Variants in VTI1A observed in about 807,000 individuals in gnomAD.
The protein encoded by VTI1A is vesicle transport through interaction with t-SNAREs homolog 1A.
A neutral mutation model predicts 34.9 loss-of-function variants in VTI1A; 22 were observed. The ratio of observed to expected loss-of-function variants is 0.63; its 90% CI spans 0.45 to 0.90. VTI1A has a LOEUF of 0.90. Ranked by LOEUF, VTI1A falls within the 40% of genes least tolerant of loss-of-function variation. The pLI, the probability that VTI1A is intolerant of heterozygous loss-of-function variation, is 0.00. For synonymous variants in VTI1A, 87 were observed against 97.3 expected (o/e 0.89, Z 0.62); for missense variants, 268 against 275.6 (o/e 0.97, Z 0.20).
Position 112,647,661 on chromosome 10 carries a change from C to G in VTI1A, c.428-20557C>G, listed in dbSNP as rs1005029708. Among the ~76,000 whole-genome samples, 3 of 151,966 alleles carry G rather than the reference C, an allele frequency of 2.0e-5. 1 individual carries two copies. Among genetic ancestry groups the G allele is most frequent in the Non-Finnish European group, 4.4e-5 (3 of 67,992 alleles). On this transcript the variant is annotated intron_variant, in intron 5 of 7. Coordinates refer to ENST00000393077, the MANE Select transcript of VTI1A (RefSeq NM_145206.4). Reference sequence around the variant, plus strand: ...TGTCAAGACTAAAAGTATGTTTTTCCGTAGTTTATGTATAGATTTGTTTAT... The same window carrying G: ...TGTCAAGACTAAAAGTATGTTTTTCGGTAGTTTATGTATAGATTTGTTTAT...
At chr10:112,814,181 C>T (rs960018989) in intron 7 of VTI1A, among the ~76,000 whole-genome samples, 4 of 152,088 alleles carry the variant, frequency 2.6e-5, no homozygotes, top group Non-Finnish European at 5.9e-5. Context: ...GTCTCTGTTC[C>T]GTGGGGAGCC....
chr10:112,533,989 T>C (rs1455564036), intron 4 of VTI1A, among the ~76,000 whole-genome samples: 1 of 152,158 alleles, frequency 6.6e-6, no homozygotes, highest in Non-Finnish European at 1.5e-5. Flanking sequence ...CCCAAAATTA[T>C]TGGGTTTAAC....
At chr10:112,447,027 G>T, upstream of VTI1A, 1 of 280,724 alleles carries the variant, frequency 3.6e-6, no homozygotes, top group South Asian at 6.8e-5. Flanking sequence ...ATCCGGAGCC[G>T]ATTCCCAGAA....
At chr10:112,545,473 C>T (rs1025022147) in intron 5 of VTI1A, among the ~76,000 whole-genome samples, 13 of 152,220 alleles carry the variant, frequency 8.5e-5, no homozygotes, top group African/African-American at 3.1e-4. Context: ...AATTATCTCA[C>T]AAAACTATGG....
intron 7 of VTI1A, among the ~76,000 whole-genome samples, chr10:112,783,066 A>G (rs758301309): frequency 1.3e-5 from 2 of 152,018 alleles, no homozygotes; most frequent in Non-Finnish European, 2.9e-5. Context: ...AAACAGTCAC[A>G]GTTACATTTC....
chr10:112,578,265 A>G (rs1843782228), intron 5 of VTI1A, among the ~76,000 whole-genome samples: 1 of 152,188 alleles, frequency 6.6e-6, no homozygotes, highest in African/African-American at 2.4e-5. Flanking sequence ...TGCCAGAGAC[A>G]TCACTGAGGA....
At chr10:112,654,041 G>A (rs908075552) in intron 5 of VTI1A, among the ~76,000 whole-genome samples, 3 of 152,172 alleles carry the variant, frequency 2.0e-5, no homozygotes, top group African/African-American at 7.2e-5. Context: ...TGGTAGCTTT[G>A]TTGTATTCTG....
intron 7 of VTI1A, among the ~76,000 whole-genome samples, chr10:112,804,548 C>T (rs1163127650): frequency 6.6e-6 from 1 of 152,188 alleles, no homozygotes; most frequent in Non-Finnish European, 1.5e-5. Context: ...GGGGAAGAAA[C>T]TGAAACCCAA....
intron 5 of VTI1A, chr10:112,548,486 A>G (rs1297683257): frequency 8.0e-6 from 4 of 501,500 alleles, no homozygotes; most frequent in Non-Finnish European, 1.4e-5. Flanking sequence ...TTTACGATGC[A>G]TTGTTATGAT....
chr10:112,830,572 T>A, the VTI1A span, among the ~76,000 whole-genome samples: 1 of 151,248 alleles, frequency 6.6e-6, no homozygotes, highest in Non-Finnish European at 1.5e-5. Context: ...AAGTATTTAT[T>A]CCTGTGTTTA....
intron 5 of VTI1A, among the ~76,000 whole-genome samples, chr10:112,581,633 G>C (rs1843943531): frequency 6.6e-6 from 1 of 152,138 alleles, no homozygotes; most frequent in African/African-American, 2.4e-5. Context: ...TTATGATGAT[G>C]ATGATGCAGA....
chr10:112,706,040 A>T (rs1417003023), intron 7 of VTI1A, among the ~76,000 whole-genome samples: 3 of 152,226 alleles, frequency 2.0e-5, no homozygotes, highest in Non-Finnish European at 2.9e-5. Context: ...ACTGTCACAA[A>T]TGTAGCCTAG....
the VTI1A span, among the ~76,000 whole-genome samples, chr10:112,828,853 G>GAA: frequency 8.3e-5 from 9 of 109,008 alleles, no homozygotes; most frequent in African/African-American, 6.2e-5. Flanking sequence ...TCTCAAAAAA[G>GAA]AAAAAAAAAA....
At chr10:112,688,234 GTGA>G (rs951015708) in intron 7 of VTI1A, among the ~76,000 whole-genome samples, 1 of 151,736 alleles carries the variant, frequency 6.6e-6, no homozygotes, top group Admixed American at 6.6e-5. Context: ...GATTATATGT[GTGA>G]GCCCCTATGC....
intron 7 of VTI1A, among the ~76,000 whole-genome samples, chr10:112,718,308 T>C (rs1849679402): frequency 6.6e-6 from 1 of 152,130 alleles, no homozygotes; most frequent in Non-Finnish European, 1.5e-5. Context: ...TGGCATTTAG[T>C]GGAGTACTGA....
At chr10:112,835,739 A>C in the VTI1A span, among the ~76,000 whole-genome samples, 1 of 152,174 alleles carries the variant, frequency 6.6e-6, no homozygotes, top group African/African-American at 2.4e-5. Context: ...ATAAGCATCA[A>C]ATGTCTTCAA....
chr10:112,468,225 C>T (rs553686908), intron 3 of VTI1A, among the ~76,000 whole-genome samples: 35 of 152,272 alleles, frequency 2.3e-4, no homozygotes, highest in African/African-American at 7.9e-4. Flanking sequence ...GAGAAGTGAA[C>T]GGTCCTTCGA....
rs11813536 is a variant in VTI1A at position 112,664,608 on chromosome 10, T to C, written c.428-3610T>C. 6.6e-3 allele frequency among the ~76,000 whole-genome samples: 1,002 copies of C among 152,326 alleles called. 12 individuals are homozygous for C. The highest frequency in any genetic ancestry group is 0.023 in the African/African-American group (936 of 41,576). ...TCAATTTCTTTATGAGGCAGGAAAG[T>C]ATTCAATGGCTATTGTGTATATCTT... On this transcript the variant is annotated intron_variant, in intron 5 of 7. Transcript: ENST00000393077.
chr10:112,705,928 G>GA (rs5787970), intron 7 of VTI1A, among the ~76,000 whole-genome samples: 29,070 of 150,268 alleles, frequency 0.19, 6,037 homozygotes, highest in African/African-American at 0.51. Context: ...ATTGTCATTT[G>GA]AAAAAAAAAA....
Sources: allele counts gnomAD v4.1 joint callset (sites outside exome capture counted in the v4.1 genomes callset), GRCh38; gene constraint gnomAD v4.1.1; transcripts MANE v1.5; gene names NCBI Gene and HGNC (gene_info 2026-07-23, HGNC 2026-07-21).